Variants in ITGB1 observed in about 807,000 individuals in gnomAD.
ITGB1 encodes integrin beta-1.
ITGB1 carries 24 observed loss-of-function variants against 86.5 expected under a neutral mutation model. The observed-to-expected ratio is 0.28, with a 90% CI of 0.20 to 0.39. The LOEUF is 0.39. ITGB1 is among the 10% of genes least tolerant of loss of function. ITGB1 has a pLI of 1.00. For missense variants in ITGB1, 556 were observed against 946.9 expected, an observed-to-expected ratio of 0.59 and a Z score of 5.42; for synonymous variants, 323 against 316.8, an observed-to-expected ratio of 1.02 and a Z score of -0.21.
intron 1 of ITGB1, among the ~76,000 whole-genome samples, chr10:32,944,071 C>T (rs974024627): frequency 2.6e-5 from 4 of 152,148 alleles, no homozygotes; most frequent in African/African-American, 4.8e-5. Flanking sequence ...TTAGAGGAGC[C>T]GCAGGGGAAA....
chr10:32,954,861 T>C (rs1224651728), intron 1 of ITGB1, among the ~76,000 whole-genome samples: 2 of 152,238 alleles, frequency 1.3e-5, no homozygotes, highest in Non-Finnish European at 2.9e-5. Flanking sequence ...CTCTACCTTC[T>C]AAAGTCACAA....
At chr10:32,950,301 A>C (rs2095040130) in intron 1 of ITGB1, among the ~76,000 whole-genome samples, 1 of 152,210 alleles carries the variant, frequency 6.6e-6, no homozygotes, top group South Asian at 2.1e-4. Context: ...ATAGAGAGTA[A>C]TAAAAACGAG....
chr10:32,928,368 A>G (rs1565826707), intron 4 of ITGB1, 104 bp from the exon 5 acceptor site: 1 of 592,080 alleles, frequency 1.7e-6, no homozygotes, highest in East Asian at 2.7e-5. Context: ...CAATAAAATA[A>G]AACATGTTGT....
chr10:32,914,579 T>A (rs1166902418), intron 11 of ITGB1, among the ~76,000 whole-genome samples: 1 of 152,076 alleles, frequency 6.6e-6, no homozygotes, highest in East Asian at 1.9e-4. Flanking sequence ...CGCCATTACA[T>A]AATGGTAAAG....
intron 1 of ITGB1, among the ~76,000 whole-genome samples, chr10:32,941,169 T>C (rs2095017407): frequency 1.3e-5 from 2 of 152,130 alleles, no homozygotes; most frequent in Admixed American, 6.5e-5. Flanking sequence ...GCAAAAGGCC[T>C]GCATATACAA....
At chr10:32,943,516 C>T (rs1459717438) in intron 1 of ITGB1, among the ~76,000 whole-genome samples, 1 of 151,588 alleles carries the variant, frequency 6.6e-6, no homozygotes, top group Non-Finnish European at 1.5e-5. Context: ...GCAGTGCTAC[C>T]AAAAAGTTAA....
intron 1 of ITGB1, among the ~76,000 whole-genome samples, chr10:32,957,067 A>G (rs2095053811): frequency 6.6e-6 from 1 of 152,188 alleles, no homozygotes; most frequent in African/African-American, 2.4e-5. Context: ...AAACAGTACC[A>G]ATCTCATTAG....
intron 5 of ITGB1, among the ~76,000 whole-genome samples, 188 bp from the exon 6 acceptor site, chr10:32,926,297 CTTTGGAAGGTGATTAGATCAT>C (rs2094964286): frequency 1.3e-5 from 2 of 152,118 alleles, no homozygotes; most frequent in South Asian, 4.1e-4. Context: ...GAAGTGGTTC[CTTTGGAAGGTGATTAGATCAT>C]GAGGGCAGAG....
chr10:32,945,119 T>C (rs1318126787), intron 1 of ITGB1: 4 of 367,428 alleles, frequency 1.1e-5, no homozygotes, highest in African/African-American at 8.4e-5. Flanking sequence ...ATTACTTTTA[T>C]TTCTACTGAT....
intron 1 of ITGB1, chr10:32,944,341 T>C: frequency 4.7e-6 from 1 of 214,568 alleles, no homozygotes; most frequent in South Asian, 7.3e-5. Flanking sequence ...AGAAGGTAAG[T>C]TCACAGGCTG....
intron 1 of ITGB1, among the ~76,000 whole-genome samples, chr10:32,936,834 C>T (rs531891287): frequency 6.6e-6 from 1 of 152,198 alleles, no homozygotes; most frequent in African/African-American, 2.4e-5. Context: ...AGAAGAAATA[C>T]TCAAAAAAGC....
chr10:32,921,163 CAAAAA>C (rs5784312), intron 9 of ITGB1, among the ~76,000 whole-genome samples: 1 of 121,830 alleles, frequency 8.2e-6, no homozygotes, highest in Non-Finnish European at 1.7e-5. Context: ...GTAGCCCAGC[CAAAAA>C]AAAAAAAAAA....
chr10:32,953,856 G>C (rs1029923181), intron 1 of ITGB1: 1 of 152,182 alleles, frequency 6.6e-6, no homozygotes, highest in East Asian at 1.9e-4. Context: ...AAGTCTTTCT[G>C]TCTTTAACTC....
chr10:32,918,808 A>T (rs890660193), intron 11 of ITGB1, among the ~76,000 whole-genome samples: 1 of 152,176 alleles, frequency 6.6e-6, no homozygotes, highest in African/African-American at 2.4e-5. Context: ...CAATAAACAC[A>T]TGCAAAAAAG....
chr10:32,914,874 C>G (rs899580766), intron 11 of ITGB1, among the ~76,000 whole-genome samples: 1 of 151,972 alleles, frequency 6.6e-6, no homozygotes. Flanking sequence ...TCTTCTCAGC[C>G]CCACACCGCA....
intron 1 of ITGB1, among the ~76,000 whole-genome samples, chr10:32,957,438 G>A (rs531430882): frequency 5.3e-5 from 8 of 152,346 alleles, no homozygotes; most frequent in Admixed American, 5.2e-4. Context: ...TGGTCCCGGG[G>A]TGCCCGGCAG....
intron 5 of ITGB1, 134 bp downstream of exon 5, chr10:32,927,960 T>G (rs1378779862): frequency 3.6e-6 from 2 of 559,836 alleles, no homozygotes; most frequent in Admixed American, 3.1e-5. Context: ...CAACTTCCAC[T>G]CAGAAAAGGC....
chr10:32,933,050 C>T (rs1336100586), intron 2 of ITGB1, among the ~76,000 whole-genome samples: 1 of 152,096 alleles, frequency 6.6e-6, no homozygotes, highest in Non-Finnish European at 1.5e-5. Flanking sequence ...CCGACTTCCT[C>T]CCCACCTTCT....
chr10:32,937,071 T>C (rs2095004367), intron 1 of ITGB1, among the ~76,000 whole-genome samples: 1 of 152,104 alleles, frequency 6.6e-6, no homozygotes, highest in South Asian at 2.1e-4. Flanking sequence ...ATAATCCAGC[T>C]ACTGGGAATT....
Sources: allele counts gnomAD v4.1 joint callset (sites outside exome capture counted in the v4.1 genomes callset), GRCh38; gene constraint gnomAD v4.1.1; transcripts MANE v1.5; gene names NCBI Gene and HGNC (gene_info 2026-07-23, HGNC 2026-07-21).